ANO2: variants seen among roughly 807,000 people sequenced by gnomAD.
ANO2 encodes the protein anoctamin-2.
A neutral mutation model predicts 124.2 loss-of-function variants in ANO2; 101 were observed. The ratio of observed to expected loss-of-function variants is 0.81; its 90% CI spans 0.69 to 0.96. ANO2 has a LOEUF of 0.96. Ranked by LOEUF, ANO2 falls within the 40% of genes least tolerant of loss-of-function variation. The pLI is 0.00. For missense variants in ANO2, 1,293 were observed against 1,274.5 expected, an observed-to-expected ratio of 1.01 and a Z score of -0.22; for synonymous variants, 486 against 482.5, an observed-to-expected ratio of 1.01 and a Z score of -0.09.
intron 3 of ANO2, among the ~76,000 whole-genome samples, chr12:5,864,061 C>T (rs1189025121): frequency 6.6e-6 from 1 of 152,140 alleles, no homozygotes; most frequent in Non-Finnish European, 1.5e-5. Context: ...AAGCACAGGG[C>T]ATACCCATGT....
At chr12:5,803,327 A>G (rs960783447) in intron 9 of ANO2, among the ~76,000 whole-genome samples, 2 of 152,208 alleles carry the variant, frequency 1.3e-5, no homozygotes, top group East Asian at 3.9e-4. Context: ...GGAACCAAGA[A>G]GAAAAGTGCC....
chr12:5,834,201 T>C (rs1171257536), intron 4 of ANO2, among the ~76,000 whole-genome samples: 1 of 152,208 alleles, frequency 6.6e-6, no homozygotes, highest in African/African-American at 2.4e-5. Flanking sequence ...TAAAATGAAA[T>C]GACTGTTGCT....
intron 14 of ANO2, among the ~76,000 whole-genome samples, chr12:5,691,783 A>T (rs2137014614): frequency 6.6e-6 from 1 of 152,200 alleles, no homozygotes; most frequent in South Asian, 2.1e-4. Flanking sequence ...CATGCCTGTA[A>T]TTTCAGCTAC....
chr12:5,841,483 G>A (rs1954513210), intron 4 of ANO2, among the ~76,000 whole-genome samples: 1 of 152,236 alleles, frequency 6.6e-6, no homozygotes, highest in African/African-American at 2.4e-5. Context: ...ATGAATGAAT[G>A]TTTGCTGACT....
chr12:5,748,258 T>C (rs1035442780), intron 11 of ANO2, among the ~76,000 whole-genome samples: 6 of 152,208 alleles, frequency 3.9e-5, no homozygotes, highest in Admixed American at 2.6e-4. Context: ...TAAATCCTGA[T>C]ATAAACCAGC....
chr12:5,744,341 G>C, intron 11 of ANO2, 24 bp from the exon 12 acceptor site: 1 of 1,613,438 alleles, frequency 6.2e-7, no homozygotes, highest in Non-Finnish European at 8.5e-7. Flanking sequence ...AGGTTGTTGG[G>C]TCAGGTGGAG....
At chr12:5,693,073 A>G (rs1022190526) in intron 14 of ANO2, among the ~76,000 whole-genome samples, 5 of 152,032 alleles carry the variant, frequency 3.3e-5, no homozygotes, top group African/African-American at 1.2e-4. Context: ...CTAAACTTCA[A>G]ACAGACATAG....
intron 23 of ANO2, among the ~76,000 whole-genome samples, chr12:5,567,699 G>C (rs1941853528): frequency 1.3e-5 from 2 of 152,150 alleles, no homozygotes; most frequent in Admixed American, 1.3e-4. Flanking sequence ...TCTAATTCTG[G>C]TTCCACCTCT....
chr12:5,847,659 T>C (rs1954725340), intron 4 of ANO2, among the ~76,000 whole-genome samples: 1 of 152,172 alleles, frequency 6.6e-6, no homozygotes. Flanking sequence ...TCAGAGTCTC[T>C]ACAGAGACAA....
intron 6 of ANO2, among the ~76,000 whole-genome samples, chr12:5,828,897 C>A (rs1954068419): frequency 6.6e-6 from 1 of 152,208 alleles, no homozygotes; most frequent in African/African-American, 2.4e-5. Context: ...ACAGAGGAGA[C>A]ATCCACAGAT....
At chr12:5,703,672 G>A (rs766332657) in intron 14 of ANO2, among the ~76,000 whole-genome samples, 2 of 151,914 alleles carry the variant, frequency 1.3e-5, no homozygotes, top group Non-Finnish European at 2.9e-5. Flanking sequence ...TCAGCCTCCC[G>A]AGTAGCTGGG....
In ANO2 at chr12:5,922,677, G is replaced by A. The variant is rs200560662; in HGVS notation, c.150C>T (p.Gly50=). 32 of 1,502,746 alleles carry A rather than the reference G, an allele frequency of 2.1e-5. No homozygotes were observed. Among genetic ancestry groups the A allele is most frequent in the Admixed American group, 3.9e-5 (2 of 51,426 alleles). 93.1% of individuals were successfully genotyped at this position (1,502,746 alleles called of 1,614,324 possible). ...GCTGGCCAGGATCTCTGTTGGAACC[G>A]CCCTGCAGACCTGGGGCCCGGGGAC... is the stretch of plus-strand genomic sequence containing the variant. ...MPGPRAPGLQ[G]GSNRDPGQPC... Residue 50 remains glycine, a synonymous_variant, in exon 2 of 25, where the codon GGC becomes GGT. Coordinates refer to ENST00000682330, the MANE Select transcript of ANO2 (RefSeq NM_001364791.2).
intron 1 of ANO2, among the ~76,000 whole-genome samples, chr12:5,940,435 G>C (rs1942850947): frequency 6.6e-6 from 1 of 152,150 alleles, no homozygotes; most frequent in East Asian, 1.9e-4. Flanking sequence ...CAAGTGGAGG[G>C]TCCTCCCCAT....
At chr12:5,796,982 G>A (rs1046361250) in intron 10 of ANO2, among the ~76,000 whole-genome samples, 3 of 152,218 alleles carry the variant, frequency 2.0e-5, no homozygotes, top group African/African-American at 7.2e-5. Context: ...CGCTAAAAAT[G>A]AGGAGCTGAA....
At chr12:5,624,272 CAGACAGACAGAG>C (rs963126236) in intron 16 of ANO2, among the ~76,000 whole-genome samples, 7 of 152,160 alleles carry the variant, frequency 4.6e-5, no homozygotes, top group African/African-American at 1.4e-4. Flanking sequence ...AACAGACAGA[CAGACAGACAGAG>C]AGACAGACAG....
At chr12:5,914,423 C>T (rs1941258740) in intron 3 of ANO2, among the ~76,000 whole-genome samples, 1 of 152,156 alleles carries the variant, frequency 6.6e-6, no homozygotes, top group Non-Finnish European at 1.5e-5. Flanking sequence ...AGGAGGGAGT[C>T]TCCTCTCTGC....
intron 1 of ANO2, among the ~76,000 whole-genome samples, chr12:5,923,215 T>C (rs985853828): frequency 2.6e-4 from 15 of 58,766 alleles, no homozygotes; most frequent in South Asian, 1.4e-3. Flanking sequence ...CACACCCACA[T>C]ACACACACAC....
In ANO2 at chr12:5,562,811, C is replaced by A. The variant is rs1941512247; in HGVS notation, c.*488G>T. 6.2e-6 allele frequency: 1 copy of A among 160,574 alleles called. No individual in the cohort carries two copies. Among genetic ancestry groups the A allele is most frequent in the South Asian group, 1.8e-4 (1 of 5,536 alleles). 9.9% of individuals were successfully genotyped at this position (160,574 alleles called of 1,614,324 possible). A position where few individuals can be genotyped will look rare whatever the true frequency, so the allele number is the denominator to read the frequency against. ...CTTACTATCAGGTCCAGCGGCTGCA[C>A]CATTCAGCCTTGTAACTTAATTTGC... On this transcript the variant is annotated 3_prime_UTR_variant, in exon 25 of 25. Transcript: ENST00000682330.
chr12:5,610,821 C>CACACACACACAT (rs1361270102), intron 19 of ANO2, among the ~76,000 whole-genome samples: 28 of 89,948 alleles, frequency 3.1e-4, no homozygotes, highest in African/African-American at 6.4e-4. Flanking sequence ...GTTGTCCATA[C>CACACACACACAT]ACACACACAC....
Sources: gnomAD v4.1 joint callset for allele counts (sites outside exome capture counted in the v4.1 genomes callset) on GRCh38, gnomAD v4.1.1 for gene constraint, MANE v1.5 for transcripts, NCBI Gene and HGNC (gene_info 2026-07-23, HGNC 2026-07-21) for gene names.